Variants in CAMK2D observed in about 807,000 individuals in gnomAD.
The protein encoded by CAMK2D is calcium/calmodulin-dependent protein kinase type II subunit delta.
In CAMK2D, 37 loss-of-function variants were observed where a neutral mutation model predicts 84.0. That is an observed-to-expected ratio of 0.44 (90% CI 0.34 to 0.58). The LOEUF is 0.58. CAMK2D is among the 20% of genes least tolerant of loss of function. The probability of loss-of-function intolerance (pLI) is 0.02; values close to 1 mark genes in which losing one functional copy is unlikely to be tolerated. For synonymous variants in CAMK2D, 202 were observed against 212.5 expected (o/e 0.95, Z 0.43); for missense variants, 448 against 652.5 (o/e 0.69, Z 3.41).
chr4:113,748,962 T>C (rs2099610926), intron 2 of CAMK2D, among the ~76,000 whole-genome samples: 1 of 151,928 alleles, frequency 6.6e-6, no homozygotes, highest in Non-Finnish European at 1.5e-5. Flanking sequence ...TATTAAAGCA[T>C]ATAAAATTCA....
chr4:113,660,650 C>T (rs925647409), intron 3 of CAMK2D, among the ~76,000 whole-genome samples: 1 of 152,128 alleles, frequency 6.6e-6, no homozygotes, highest in Non-Finnish European at 1.5e-5. Context: ...CTCACCCCTC[C>T]AAAGTGCTGG....
chr4:113,631,773 A>G (rs1592217286), intron 3 of CAMK2D, among the ~76,000 whole-genome samples: 1 of 152,206 alleles, frequency 6.6e-6, no homozygotes, highest in East Asian at 1.9e-4. Context: ...GCAATTAGCA[A>G]CAGAACCTGA....
chr4:113,685,908 T>C (rs2099358301), intron 2 of CAMK2D, among the ~76,000 whole-genome samples: 1 of 151,808 alleles, frequency 6.6e-6, no homozygotes, highest in Non-Finnish European at 1.5e-5. Context: ...CTACTAAAAA[T>C]ACAAAATTAT....
intron 8 of CAMK2D, among the ~76,000 whole-genome samples, chr4:113,520,630 G>A (rs2098343905): frequency 6.7e-6 from 1 of 150,372 alleles, no homozygotes; most frequent in Admixed American, 6.6e-5. Flanking sequence ...TCTTTTTTTT[G>A]CGAGACCACT....
intron 3 of CAMK2D, among the ~76,000 whole-genome samples, chr4:113,656,555 GT>G (rs1288126700): frequency 2.0e-5 from 3 of 152,070 alleles, no homozygotes; most frequent in African/African-American, 7.2e-5. Flanking sequence ...CCCACTATTG[GT>G]TTCCCATTGC....
chr4:113,706,399 A>G (rs966867948), intron 2 of CAMK2D, among the ~76,000 whole-genome samples: 2 of 152,232 alleles, frequency 1.3e-5, no homozygotes, highest in Admixed American at 1.3e-4. Flanking sequence ...TCCCTAAATA[A>G]AAATGATAAT....
At chr4:113,568,453 T>C (rs189413963) in intron 4 of CAMK2D, among the ~76,000 whole-genome samples, 5 of 152,364 alleles carry the variant, frequency 3.3e-5, no homozygotes, top group African/African-American at 1.2e-4. Context: ...ATGTACAGGC[T>C]ACAATTTGTT....
intron 2 of CAMK2D, among the ~76,000 whole-genome samples, chr4:113,741,703 G>A (rs542889431): frequency 6.6e-6 from 1 of 152,076 alleles, no homozygotes; most frequent in South Asian, 2.1e-4. Flanking sequence ...ATCCTTAAAC[G>A]GCTTATCAAT....
chr4:113,644,716 G>A (rs1163122747), intron 3 of CAMK2D, among the ~76,000 whole-genome samples: 1 of 152,188 alleles, frequency 6.6e-6, no homozygotes, highest in African/African-American at 2.4e-5. Flanking sequence ...CAGAATTAGA[G>A]AAACTCAGAA....
At chr4:113,526,414 A>ATATGTGTGTGTGTGGGTGTGTG (rs1553930374) in intron 8 of CAMK2D, among the ~76,000 whole-genome samples, 1 of 149,568 alleles carries the variant, frequency 6.7e-6, no homozygotes, top group African/African-American at 2.5e-5. Flanking sequence ...GTCATTCTTG[A>ATATGTGTGTGTGTGGGTGTGTG]TGTGTGTGTG....
chr4:113,461,914 C>T (rs547108423), intron 17 of CAMK2D, among the ~76,000 whole-genome samples: 50 of 152,132 alleles, frequency 3.3e-4, no homozygotes, highest in Non-Finnish European at 6.0e-4. Context: ...TTAAAGAATA[C>T]CTTTAAAAAG....
intron 2 of CAMK2D, among the ~76,000 whole-genome samples, chr4:113,716,487 C>CA (rs1230570286): frequency 2.0e-5 from 3 of 151,716 alleles, no homozygotes; most frequent in South Asian, 2.1e-4. Context: ...CCTGTCTCTA[C>CA]AAAAAATACA....
chr4:113,618,484 A>G (rs1011887806), intron 3 of CAMK2D, among the ~76,000 whole-genome samples: 1 of 152,164 alleles, frequency 6.6e-6, no homozygotes, highest in African/African-American at 2.4e-5. Flanking sequence ...CTCATCTTTC[A>G]ATTCCTTTTT....
At chr4:113,678,748 G>T (rs1173719781) in intron 2 of CAMK2D, among the ~76,000 whole-genome samples, 1 of 152,102 alleles carries the variant, frequency 6.6e-6, no homozygotes, top group Non-Finnish European at 1.5e-5. Context: ...ATTCTTAAAG[G>T]TCTAAGTGAA....
At chr4:113,733,500 C>T (rs969063153) in intron 2 of CAMK2D, among the ~76,000 whole-genome samples, 10 of 152,072 alleles carry the variant, frequency 6.6e-5, no homozygotes, top group African/African-American at 2.4e-4. Context: ...TTCTTTTCAG[C>T]CTGTGAGTTA....
At chr4:113,705,118 C>T (rs2099441434) in intron 2 of CAMK2D, among the ~76,000 whole-genome samples, 1 of 150,780 alleles carries the variant, frequency 6.6e-6, no homozygotes, top group Admixed American at 6.6e-5. Context: ...AGGATCGAGA[C>T]CATCCTGGCT....
chr4:113,646,236 C>T (rs2099151398), intron 3 of CAMK2D, among the ~76,000 whole-genome samples: 1 of 152,086 alleles, frequency 6.6e-6, no homozygotes, highest in Admixed American at 6.6e-5. Context: ...TAAACTTGAA[C>T]TTAAAAAAAA....
chr4:113,656,588 C>T (rs2099201637), intron 3 of CAMK2D, among the ~76,000 whole-genome samples: 1 of 152,214 alleles, frequency 6.6e-6, no homozygotes, highest in Non-Finnish European at 1.5e-5. Flanking sequence ...AACCCAAACT[C>T]CCAAATCTGG....
chr4:113,591,752 C>T (rs535199095), intron 4 of CAMK2D, among the ~76,000 whole-genome samples: 5 of 152,310 alleles, frequency 3.3e-5, no homozygotes, highest in Admixed American at 1.3e-4. Flanking sequence ...CAATTTTCCA[C>T]GTCTGTCCCC....
Sources: gnomAD v4.1 joint callset for allele counts (sites outside exome capture counted in the v4.1 genomes callset) on GRCh38, gnomAD v4.1.1 for gene constraint, MANE v1.5 for transcripts, NCBI Gene and HGNC (gene_info 2026-07-23, HGNC 2026-07-21) for gene names.